Variants in PHACTR2 observed in about 807,000 individuals in gnomAD.
The protein encoded by PHACTR2 is chromosome 6 open reading frame 56.
In PHACTR2, 30 loss-of-function variants were observed where a neutral mutation model predicts 76.0. The ratio of observed to expected loss-of-function variants is 0.39; its 90% CI spans 0.30 to 0.54. The LOEUF (loss-of-function observed/expected upper bound fraction) is 0.54, where lower values mean the gene tolerates loss of function less well. Among genes scored for constraint, PHACTR2 ranks in the 20% least tolerant of loss-of-function variants. The probability of loss-of-function intolerance (pLI) is 0.61; values close to 1 mark genes in which losing one functional copy is unlikely to be tolerated. For missense variants in PHACTR2, 696 were observed against 781.1 expected, an observed-to-expected ratio of 0.89 and a Z score of 1.30; for synonymous variants, 292 against 292.5, an observed-to-expected ratio of 1.00 and a Z score of 0.02.
intron 1 of PHACTR2, 166 bp from the exon 2 acceptor site, chr6:143,711,850 A>G (rs1302612821): frequency 9.2e-6 from 7 of 763,194 alleles, no homozygotes; most frequent in East Asian, 2.5e-5. Flanking sequence ...TGACTGATTG[A>G]TATGAGGGAA....
Position 143,791,691 on chromosome 6 carries a change from G to T in PHACTR2, c.1845+2781G>T, listed in dbSNP as rs1775693526. On this transcript the variant is annotated intron_variant, in intron 11 of 12. Transcript: ENST00000440869. The surrounding 1 kb of genome is among the most constrained non-coding windows in gnomAD (Gnocchi z 4.7). The stretch of plus-strand genomic sequence containing the variant: ...GACATGTTAAATCTCCCACTATGTG[G>T]ATTTTTTTTTTTACTTCTCCTTATA... 6.6e-6 allele frequency among the ~76,000 whole-genome samples: 1 copy of T among 151,326 alleles called. No individual in the cohort carries two copies. The highest frequency in any genetic ancestry group is 1.5e-5 in the Non-Finnish European group (1 of 67,828).
rs1775309165 is a variant in PHACTR2, at chr6:143,777,413, T to G, written c.1645+30T>G. On this transcript the variant is annotated intron_variant, in intron 9 of 12. Transcript: ENST00000440869. The surrounding 1 kb of genome is among the most constrained non-coding windows in gnomAD (Gnocchi z 4.6). ...GTATTCTATACTATAGAATGATTCCTTGTGTAATCGCTAACAAGCTGCCTC... is the reference window on the plus strand; with the variant it reads ...GTATTCTATACTATAGAATGATTCCGTGTGTAATCGCTAACAAGCTGCCTC... The G allele has an allele frequency of 1.6e-6, 2 of 1,247,752 alleles. No individual in the cohort carries two copies. Among genetic ancestry groups the G allele is most frequent in the East Asian group, 4.8e-5 (2 of 41,280 alleles). 77.3% of individuals were successfully genotyped at this position (1,247,752 alleles called of 1,614,324 possible). A position where few individuals can be genotyped will look rare whatever the true frequency, so the allele number is the denominator to read the frequency against.
upstream of PHACTR2, among the ~76,000 whole-genome samples, chr6:143,603,620 A>T (rs893670245): frequency 6.6e-6 from 1 of 152,250 alleles, no homozygotes; most frequent in East Asian, 1.9e-4. Flanking sequence ...GGATAAATGT[A>T]TAATCTTTCT....
chr6:143,808,790 A>G (rs1776116262), intron 12 of PHACTR2, among the ~76,000 whole-genome samples: 2 of 152,058 alleles, frequency 1.3e-5, no homozygotes, highest in South Asian at 2.1e-4. Context: ...ATTTTTATCT[A>G]TTTGAGGGCT....
chr6:143,588,559 G>A (rs1392222121), intron 1 of PHACTR2, among the ~76,000 whole-genome samples: 1 of 152,162 alleles, frequency 6.6e-6, no homozygotes, highest in East Asian at 1.9e-4. Flanking sequence ...AGTCCTCAGA[G>A]TAAGGCTTTC....
rs1205562342 is a variant in PHACTR2, at chr6:143,595,890, C to T, written c.217+58683C>T. 6.6e-6 allele frequency among the ~76,000 whole-genome samples: 1 copy of T among 152,198 alleles called. No homozygotes were observed. Among genetic ancestry groups the T allele is most frequent in the Non-Finnish European group, 1.5e-5 (1 of 68,036 alleles). On this transcript the variant is annotated intron_variant, in intron 1 of 11. Coordinates refer to the PHACTR2 transcript ENST00000367584. The surrounding 1 kb of genome is among the most constrained non-coding windows in gnomAD (Gnocchi z 4.2). ...CCTTTAACCTTTTCCTTCTCCCTTC[C>T]TGTCTACTGAGTTGGGTGGGTTATA...
intron 1 of PHACTR2, among the ~76,000 whole-genome samples, chr6:143,609,170 A>G (rs985117493): frequency 6.6e-6 from 1 of 152,208 alleles, no homozygotes; most frequent in African/African-American, 2.4e-5. Context: ...AGCTCTTCTA[A>G]GAGGTTACAT....
chr6:143,700,615 A>T lies in PHACTR2; in HGVS notation c.47-11401A>T, dbSNP rs1044737379. On this transcript the variant is annotated intron_variant, in intron 1 of 12. Coordinates refer to ENST00000440869, the MANE Select transcript of PHACTR2 (RefSeq NM_001100164.2). The surrounding 1 kb of genome is among the most constrained non-coding windows in gnomAD (Gnocchi z 4.1). ...GTGATATTTCAGTATATTTTATTTC[A>T]CAAATTATATATAAGGTCTACCAGC... 2.0e-5 allele frequency among the ~76,000 whole-genome samples: 3 copies of T among 152,190 alleles called. No homozygotes were observed. Among genetic ancestry groups the T allele is most frequent in the Admixed American group, 6.5e-5 (1 of 15,280 alleles).
intron 1 of PHACTR2, among the ~76,000 whole-genome samples, chr6:143,609,204 C>G (rs965516841): frequency 6.6e-6 from 1 of 152,178 alleles, no homozygotes; most frequent in Non-Finnish European, 1.5e-5. Context: ...TTCTACACTA[C>G]AAGACCACCC....
rs1209782756 is a variant in PHACTR2, at chr6:143,782,793, A to G, written c.1646-426A>G. 6.6e-6 allele frequency among the ~76,000 whole-genome samples: 1 copy of G among 152,114 alleles called. No individual in the cohort carries two copies. Among genetic ancestry groups the G allele is most frequent in the African/African-American group, 2.4e-5 (1 of 41,404 alleles). On this transcript the variant is annotated intron_variant, in intron 9 of 12. Transcript: ENST00000440869. The surrounding 1 kb of genome is among the most constrained non-coding windows in gnomAD (Gnocchi z 4.6). ...CGGATGGTTCTAATTTGCTCTTTTA[A>G]TATGTCTCAGATTTTCACACGAAGG...
chr6:143,611,671 TAG>T lies in PHACTR2; in HGVS notation c.13+3354_13+3355del, dbSNP rs1198528223. Among the ~76,000 whole-genome samples, 1 of 152,230 alleles carries T rather than the reference TAG, an allele frequency of 6.6e-6. No individual in the cohort carries two copies. The highest frequency in any genetic ancestry group is 2.4e-5 in the African/African-American group (1 of 41,460). Reference sequence around the variant, plus strand: ...CAGCATACAATGCATGTTGGCGTTTTAGAGAGTCATCAAAAGATTGAAGCAGG... The same window carrying T: ...CAGCATACAATGCATGTTGGCGTTTTAGAGTCATCAAAAGATTGAAGCAGG... On this transcript the variant is annotated intron_variant, in intron 1 of 11. Transcript: ENST00000305766. The surrounding 1 kb of genome is among the most constrained non-coding windows in gnomAD (Gnocchi z 4.4).
At position 143,712,027 on chromosome 6, in the gene PHACTR2, G is replaced by A. The variant is rs768624530; in HGVS notation, c.58G>A (p.Asp20Asn). 1 of 1,591,364 alleles carries A rather than the reference G, an allele frequency of 6.3e-7. No individual in the cohort carries two copies. Among genetic ancestry groups the A allele is most frequent in the Admixed American group, 1.8e-5 (1 of 55,938 alleles). Residue 20 changes from aspartate (D) to asparagine (N), a missense_variant, in exon 2 of 13, where the codon GAC becomes AAC. Asp to Asn is a conservative substitution (Grantham distance 23, BLOSUM62 1). Around this residue, in one of 2 missense-constraint regions of PHACTR2, gnomAD observed 460 missense variants for 450.9 expected, o/e 1.02. Coordinates refer to ENST00000440869, the MANE Select transcript of PHACTR2 (RefSeq NM_001100164.2). ...SPQPGSVDGLDKASIANSDGP... is the reference protein window; with the variant it reads ...SPQPGSVDGLNKASIANSDGP... ...CTTTCTTTATACAGTTGACGGACTG[G>A]ACAAAGCTTCTATAGCAAACTCAGA... is the stretch of plus-strand genomic sequence containing the variant.
intron 1 of PHACTR2, among the ~76,000 whole-genome samples, chr6:143,559,845 G>T (rs942360836): frequency 1.7e-4 from 25 of 151,142 alleles, no homozygotes; most frequent in African/African-American, 5.8e-4. Flanking sequence ...CAAGTAGCTG[G>T]GGTTACAGGC....
chr6:143,581,852 G>A lies in PHACTR2; in HGVS notation c.217+44645G>A, dbSNP rs1305607822. Among the ~76,000 whole-genome samples, 1 of 151,992 alleles carries A rather than the reference G, an allele frequency of 6.6e-6. No individual in the cohort carries two copies. The highest frequency in any genetic ancestry group is 1.5e-5 in the Non-Finnish European group (1 of 67,998). ...TGTTCCCCTCCCCACCCCTCAAAAAGGAAAGAAAGTTATCCTGCCCTTGCC... is the reference window on the plus strand; with the variant it reads ...TGTTCCCCTCCCCACCCCTCAAAAAAGAAAGAAAGTTATCCTGCCCTTGCC... On this transcript the variant is annotated intron_variant, in intron 1 of 11. Coordinates refer to the PHACTR2 transcript ENST00000367584. This position sits in a 1 kb window ranked among gnomAD's most constrained non-coding sequence, Gnocchi z 4.5.
At chr6:143,622,659 C>T (rs765984036) in intron 1 of PHACTR2, among the ~76,000 whole-genome samples, 13 of 152,090 alleles carry the variant, frequency 8.5e-5, no homozygotes, top group Non-Finnish European at 1.3e-4. Flanking sequence ...CAAATGCAAA[C>T]GATGCAAAAT....
intron 11 of PHACTR2, among the ~76,000 whole-genome samples, chr6:143,790,427 A>G (rs890342290): frequency 2.6e-5 from 4 of 152,136 alleles, no homozygotes; most frequent in African/African-American, 9.7e-5. Flanking sequence ...CAAGGAGCAG[A>G]CCCTTGAGGA....
intron 1 of PHACTR2, among the ~76,000 whole-genome samples, chr6:143,540,220 C>T (rs148738386): frequency 6.6e-6 from 1 of 152,144 alleles, no homozygotes; most frequent in African/African-American, 2.4e-5. Flanking sequence ...TGAGTTAACT[C>T]CCTGCTGTGG....
At chr6:143,590,430 G>A (rs1582687160) in intron 1 of PHACTR2, among the ~76,000 whole-genome samples, 1 of 152,146 alleles carries the variant, frequency 6.6e-6, no homozygotes, top group African/African-American at 2.4e-5. Flanking sequence ...GCCTGTGGTT[G>A]CTTAAGTCTG....
intron 12 of PHACTR2, chr6:143,810,664 T>C (rs1001138698): frequency 8.2e-6 from 3 of 367,470 alleles, no homozygotes; most frequent in African/African-American, 2.2e-5. Context: ...ACCCCATCTC[T>C]AGAAAAAAAT....
Sources: gnomAD v4.1 joint callset for allele counts (sites outside exome capture counted in the v4.1 genomes callset) on GRCh38, gnomAD v4.1.1 for gene constraint, gnomAD v4.1.1 regional missense constraint, Gnocchi (gnomAD v3.1) non-coding constraint, MANE v1.5 for transcripts, NCBI Gene and HGNC (gene_info 2026-07-23, HGNC 2026-07-21) for gene names.